Variants in DOCK7 observed in about 807,000 individuals in gnomAD.
DOCK7 encodes the protein dedicator of cytokinesis 7.
In DOCK7, 138 loss-of-function variants were observed where a neutral mutation model predicts 271.0. That is an observed-to-expected ratio of 0.51 (90% confidence interval 0.44 to 0.59). DOCK7 has a LOEUF of 0.59. Ranked by LOEUF, DOCK7 falls within the 20% of genes least tolerant of loss-of-function variation. The pLI is 0.00. For synonymous variants in DOCK7, 823 were observed against 876.1 expected (o/e 0.94, Z 1.07); for missense variants, 2,066 against 2,592.4 (o/e 0.80, Z 4.41).
chr1:62,508,326 GCAGA>G (rs1250896491), intron 34 of DOCK7, among the ~76,000 whole-genome samples: 4 of 152,280 alleles, frequency 2.6e-5, no homozygotes, highest in Admixed American at 6.5e-5. Flanking sequence ...CAAACATGCA[GCAGA>G]CAGTTTTATT....
chr1:62,665,178 G>A (rs563420465), intron 1 of DOCK7, among the ~76,000 whole-genome samples: 4 of 151,924 alleles, frequency 2.6e-5, no homozygotes, highest in South Asian at 4.2e-4. Flanking sequence ...TAGTAGAGAC[G>A]GGGCTTCGCC....
chr1:62,628,472 T>C (rs1265832597), intron 11 of DOCK7: 2 of 152,198 alleles, frequency 1.3e-5, no homozygotes, highest in Admixed American at 1.3e-4. Flanking sequence ...TTTTAATAAA[T>C]GGTGCTGAAA....
intron 18 of DOCK7, among the ~76,000 whole-genome samples, chr1:62,574,334 C>T (rs1646877429): frequency 6.6e-6 from 1 of 152,106 alleles, no homozygotes. Context: ...TAAATTCTTG[C>T]TGGAGAAAAC....
chr1:62,563,794 A>T (rs76767307), intron 18 of DOCK7, among the ~76,000 whole-genome samples: 1 of 136,538 alleles, frequency 7.3e-6, no homozygotes, highest in African/African-American at 2.7e-5. Context: ...TGCTGTATTC[A>T]GGAGACCCAC....
chr1:62,596,876 G>A (rs756522261), intron 14 of DOCK7, among the ~76,000 whole-genome samples: 1 of 152,070 alleles, frequency 6.6e-6, no homozygotes, highest in Non-Finnish European at 1.5e-5. Context: ...AGAAAAGGGA[G>A]TGAAATGTCT....
At chr1:62,665,357 C>G (rs1178008818) in intron 1 of DOCK7, among the ~76,000 whole-genome samples, 1 of 151,980 alleles carries the variant, frequency 6.6e-6, no homozygotes, top group Non-Finnish European at 1.5e-5. Flanking sequence ...GAAGTCCTTA[C>G]ATATCCTGAT....
chr1:62,520,623 G>A (rs937673624), intron 31 of DOCK7, among the ~76,000 whole-genome samples: 4 of 152,118 alleles, frequency 2.6e-5, no homozygotes, highest in Admixed American at 2.0e-4. Context: ...GAAAGGATGT[G>A]GAGAAATAGG....
At chr1:62,591,895 C>A (rs1041205053) in intron 14 of DOCK7, among the ~76,000 whole-genome samples, 1 of 152,130 alleles carries the variant, frequency 6.6e-6, no homozygotes, top group Non-Finnish European at 1.5e-5. Context: ...AGGGCAGGGA[C>A]CTTATCTATT....
intron 20 of DOCK7, among the ~76,000 whole-genome samples, chr1:62,556,418 A>C (rs1467721401): frequency 6.6e-6 from 1 of 152,018 alleles, no homozygotes; most frequent in African/African-American, 2.4e-5. Context: ...AAAATTAAAA[A>C]TATCAATAAT....
At chr1:62,664,230 C>T (rs939503757) in intron 1 of DOCK7, among the ~76,000 whole-genome samples, 4 of 152,110 alleles carry the variant, frequency 2.6e-5, no homozygotes, top group Admixed American at 2.0e-4. Flanking sequence ...AACTGTGTCC[C>T]CACCCAAATC....
Position 62,555,907 on chromosome 1 carries a change from C to G in DOCK7, c.2514G>C (p.Gln838His). The G allele has an allele frequency of 6.2e-7, 1 of 1,613,894 alleles. No individual in the cohort carries two copies. The highest frequency in any genetic ancestry group is 8.5e-7 in the Non-Finnish European group (1 of 1,179,920). ...LHKNLEGNHD[Q>H]HGRNSLLASY... Reference sequence around the variant, plus strand: ...ATGCAAGAAGGCTGTTTCTGCCATGCTGGTCATGATTTCCTTCCAAGTTTT... The same window carrying G: ...ATGCAAGAAGGCTGTTTCTGCCATGGTGGTCATGATTTCCTTCCAAGTTTT... Residue 838 changes from glutamine (Q) to histidine (H), a missense_variant, in exon 21 of 50, where the codon CAG becomes CAC. Gln to His is a conservative substitution (Grantham distance 24). Transcript: ENST00000635253.
intron 48 of DOCK7, among the ~76,000 whole-genome samples, chr1:62,472,881 G>A (rs1645870055): frequency 6.6e-6 from 1 of 152,144 alleles, no homozygotes; most frequent in African/African-American, 2.4e-5. Context: ...TCTCCAATGA[G>A]GTTCCCTACA....
At chr1:62,487,331 G>C in intron 43 of DOCK7, 67 bp downstream of exon 43, 6 of 1,508,890 alleles carry the variant, frequency 4.0e-6, no homozygotes, top group Non-Finnish European at 5.5e-6. Context: ...TGTGGGCAAA[G>C]CATTGGCATA....
At chr1:62,604,888 G>C (rs1287022693) in intron 14 of DOCK7, 2 of 1,486,440 alleles carry the variant, frequency 1.3e-6, no homozygotes, top group Non-Finnish European at 1.9e-6. Context: ...CTAATAATCT[G>C]GTATTAAATC....
At chr1:62,464,638 C>T (rs1045756175) in intron 48 of DOCK7, among the ~76,000 whole-genome samples, 3 of 151,760 alleles carry the variant, frequency 2.0e-5, no homozygotes, top group Non-Finnish European at 2.9e-5. Context: ...GCCGAGATCG[C>T]GCCACTGCAC....
intron 1 of DOCK7, among the ~76,000 whole-genome samples, chr1:62,685,474 T>C (rs1381200370): frequency 6.6e-6 from 1 of 152,218 alleles, no homozygotes; most frequent in Non-Finnish European, 1.5e-5. Context: ...AGCAGTTCTG[T>C]CTTTGGTATT....
In DOCK7 at chr1:62,631,272, C is replaced by T. The variant is rs2149622755; in HGVS notation, c.1250G>A (p.Arg417Lys). The T allele has an allele frequency of 6.2e-7, 1 of 1,609,922 alleles. No individual in the cohort carries two copies. Among genetic ancestry groups the T allele is most frequent in the East Asian group, 2.2e-5 (1 of 44,782 alleles). Residue 417 changes from arginine to lysine, a missense_variant, in exon 11 of 50, where the codon AGA (arginine) becomes AAA (lysine). Around this residue, in one of 2 missense-constraint regions of DOCK7, gnomAD observed 1,414 missense variants for 1,670.4 expected, o/e 0.85. Coordinates refer to ENST00000635253, the MANE Select transcript of DOCK7 (RefSeq NM_001367561.1). ...ACTGATTTCTACTTCTGTAGAATCT[C>T]TTTCCAAACTCCCAGCACTGCTAAC... ...NIVSSAGSLE[R>K]DSTEVEISTG... is the part of the protein sequence containing the mutation.
intron 21 of DOCK7, among the ~76,000 whole-genome samples, chr1:62,553,336 A>G (rs1307205957): frequency 2.0e-3 from 8 of 4,066 alleles, no homozygotes; most frequent in African/African-American, 6.3e-3. Flanking sequence ...ATATATATAT[A>G]TATATATATA....
At chr1:62,669,853 G>A (rs1407289875) in intron 1 of DOCK7, among the ~76,000 whole-genome samples, 12 of 152,326 alleles carry the variant, frequency 7.9e-5, no homozygotes, top group South Asian at 4.1e-4. Context: ...GGCCAAGGCC[G>A]GAGCCCACTC....
Sources: gnomAD v4.1 joint callset for allele counts (sites outside exome capture counted in the v4.1 genomes callset) on GRCh38, gnomAD v4.1.1 for gene constraint, gnomAD v4.1.1 regional missense constraint, MANE v1.5 for transcripts, NCBI Gene and HGNC (gene_info 2026-07-23, HGNC 2026-07-21) for gene names.